COL16A1: variants seen among roughly 807,000 people sequenced by gnomAD.
COL16A1 encodes the protein collagen type XVI alpha 1 chain, also known as collagen alpha-1(XVI) chain.
COL16A1 carries 189 observed loss-of-function variants against 266.3 expected under a neutral mutation model. The ratio of observed to expected loss-of-function variants is 0.71; its 90% CI spans 0.63 to 0.80. The LOEUF (loss-of-function observed/expected upper bound fraction) is 0.80, where lower values mean the gene tolerates loss of function less well. Among genes scored for constraint, COL16A1 ranks in the 30% least tolerant of loss-of-function variants. COL16A1 has a pLI of 0.00. For synonymous variants in COL16A1, 740 were observed against 782.3 expected (o/e 0.95, Z 0.90); for missense variants, 1,928 against 2,122.4 (o/e 0.91, Z 1.80).
At chr1:31,691,388 C>T (rs1426893897) in intron 19 of COL16A1, 29 bp downstream of exon 19, 1 of 1,598,018 alleles carries the variant, frequency 6.3e-7, no homozygotes, top group Non-Finnish European at 8.5e-7. Context: ...CTGAGAAAAG[C>T]ACAGCAGGAG....
At chr1:31,690,253 G>T in intron 22 of COL16A1, 114 bp downstream of exon 22, 2 of 1,493,754 alleles carry the variant, frequency 1.3e-6, no homozygotes, top group Non-Finnish European at 1.8e-6. Context: ...ACGGGTGGGG[G>T]TCCCCTGAGG....
At chr1:31,687,942 C>T (rs1255218745) in intron 26 of COL16A1, among the ~76,000 whole-genome samples, 1 of 152,178 alleles carries the variant, frequency 6.6e-6, no homozygotes, top group Non-Finnish European at 1.5e-5. Flanking sequence ...TACGTTAACA[C>T]AGGCACTGAA....
At chr1:31,666,606 C>G (rs1642165735) in intron 52 of COL16A1, among the ~76,000 whole-genome samples, 1 of 152,150 alleles carries the variant, frequency 6.6e-6, no homozygotes, top group South Asian at 2.1e-4. Context: ...GCCCCCTTCC[C>G]CCCTTCCTAG....
chr1:31,684,003 C>G lies in COL16A1; in HGVS notation c.2284G>C (p.Gly762Arg), dbSNP rs200195209. Residue 762 changes from glycine (G) to arginine (R), a missense_variant and splice_region_variant, in exon 33 of 71, where the codon GGC (glycine) becomes CGC (arginine). Physicochemically the swap from Gly to Arg is moderately radical, Grantham distance 125. This residue lies in a region of COL16A1 where 1,552 missense variants were observed against 1,637.2 expected (regional missense o/e 0.95). Coordinates refer to ENST00000373672, the MANE Select transcript of COL16A1 (RefSeq NM_001856.4). ...TGAACTCCTGGTAGACCGGGTTGGC[C>G]CTAAAAGGCATAAGGTGGCCCATGG... The part of the protein sequence containing the change: ...PEGVGRPGKP[G>R]QPGLPGVQGP... The G allele has an allele frequency of 6.2e-7, 1 of 1,614,178 alleles. No homozygotes were observed. Among genetic ancestry groups the G allele is most frequent in the African/African-American group, 1.3e-5 (1 of 75,058 alleles).
chr1:31,671,481 G>T, intron 48 of COL16A1, 134 bp downstream of exon 48: 1 of 1,075,660 alleles, frequency 9.3e-7, no homozygotes, highest in Non-Finnish European at 1.4e-6. Flanking sequence ...CTCTGCGGAG[G>T]GATGGGGAGG....
In COL16A1 at chr1:31,685,968, CT is replaced by C. The variant is rs1468519494; in HGVS notation, c.1884+122del. The C allele has an allele frequency of 1.3e-6, 2 of 1,505,080 alleles. No individual in the cohort carries two copies. Among genetic ancestry groups the C allele is most frequent in the Non-Finnish European group, 1.8e-6 (2 of 1,109,170 alleles). The allele number at this position is 1,505,080 out of a possible 1,614,324, so 93.2% of individuals were successfully genotyped here. On this transcript the variant is annotated intron_variant, in intron 28 of 70. Transcript: ENST00000373672. The surrounding 1 kb of genome is among the most constrained non-coding windows in gnomAD (Gnocchi z 4.0). ...AGTCATCAGGGGTCTCCATGCCTTG[CT>C]AAGGAGTCAGACTCTGCCCGACAGA...
In COL16A1 at chr1:31,685,727, T is replaced by C. The variant is rs1349026088; in HGVS notation, c.1928A>G (p.Asp643Gly). 3 of 1,613,852 alleles carry C rather than the reference T, an allele frequency of 1.9e-6. No individual in the cohort carries two copies. The South Asian group carries it at 3.3e-5, about 18-fold the overall frequency. ...CAAGGCCACCACACGGACATCCCCA[T>C]CCTGAAGGTTGGACAGGGCTGGGCA... is the stretch of plus-strand genomic sequence containing the variant. Reference protein sequence around the residue: ...EPCPALSNLQDGDVRVVALPG... With the variant: ...EPCPALSNLQGGDVRVVALPG... Residue 643 changes from aspartate (D) to glycine (G), a missense_variant, in exon 29 of 71, where the codon GAT (aspartate) becomes GGT (glycine). By Grantham distance (94) the Asp-to-Gly change is moderately conservative. Coordinates refer to ENST00000373672, the MANE Select transcript of COL16A1 (RefSeq NM_001856.4). This position sits in a 1 kb window ranked among gnomAD's most constrained non-coding sequence, Gnocchi z 4.0.
Position 31,689,861 on chromosome 1 carries a change from G to A in COL16A1, c.1510-10C>T, listed in dbSNP as rs1213441108. On this transcript the variant is annotated splice_polypyrimidine_tract_variant and intron_variant, in intron 22 of 70. Coordinates refer to ENST00000373672, the MANE Select transcript of COL16A1 (RefSeq NM_001856.4). Reference sequence around the variant, plus strand: ...CTTCACAGGGGTCACCCTAGCAGAAGGGAGAGGCAGTATGTGGACAGGGTG... The same window carrying A: ...CTTCACAGGGGTCACCCTAGCAGAAAGGAGAGGCAGTATGTGGACAGGGTG... 1 of 1,612,636 alleles carries A rather than the reference G, an allele frequency of 6.2e-7. No homozygotes were observed. The highest frequency in any genetic ancestry group is 1.3e-5 in the African/African-American group (1 of 74,896).
At chr1:31,662,173 T>A (rs1377030599) in intron 58 of COL16A1, among the ~76,000 whole-genome samples, 161 bp downstream of exon 58, 3 of 152,132 alleles carry the variant, frequency 2.0e-5, no homozygotes, top group African/African-American at 7.2e-5. Context: ...TGTGGTGCCA[T>A]CGGGGAGCTG....
Position 31,684,173 on chromosome 1 carries a change from C to T in COL16A1, c.2219G>A (p.Arg740Gln), listed in dbSNP as rs369029210. 199 of 1,543,248 alleles carry T rather than the reference C, an allele frequency of 1.3e-4. 1 individual carries two copies. The highest frequency in any genetic ancestry group is 7.5e-4 in the Admixed American group (38 of 50,478). ...LQGTVTDMAG[R>Q]PGQPGPKGEQ... Reference sequence around the variant, plus strand: ...TCCTTTGGGGCCGGGCTGCCCAGGCCGTCCTGCCATGTCTGTCACTGTCCC... The same window carrying T: ...TCCTTTGGGGCCGGGCTGCCCAGGCTGTCCTGCCATGTCTGTCACTGTCCC... The change falls in exon 32 of 71, where the codon CGG becomes CAG. Residue 740 changes from arginine (R) to glutamine (Q), a missense_variant. Physicochemically the swap from Arg to Gln is conservative, Grantham distance 43 (BLOSUM62 1). Transcript: ENST00000373672.
intron 62 of COL16A1, among the ~76,000 whole-genome samples, chr1:31,660,359 A>G (rs763712829): frequency 4.6e-5 from 7 of 152,154 alleles, no homozygotes; most frequent in Non-Finnish European, 5.9e-5. Flanking sequence ...CTCCACAATT[A>G]TTTGTTGACT....
At chr1:31,694,939 G>T (rs1057464215) in intron 11 of COL16A1, among the ~76,000 whole-genome samples, 1 of 152,196 alleles carries the variant, frequency 6.6e-6, no homozygotes, top group Admixed American at 6.5e-5. Context: ...CCACCATCCC[G>T]TGCCCATGCC....
At chr1:31,686,433 G>T in intron 26 of COL16A1, 154 bp from the exon 27 acceptor site, 1 of 1,081,802 alleles carries the variant, frequency 9.2e-7, no homozygotes. Flanking sequence ...GGTCCCCAAG[G>T]GAGTCTGTAA....
intron 42 of COL16A1, among the ~76,000 whole-genome samples, chr1:31,678,195 G>T (rs1037249209): frequency 6.6e-6 from 1 of 152,144 alleles, no homozygotes; most frequent in African/African-American, 2.4e-5. Context: ...CCAGGGTGGC[G>T]GGGGTGGGGA....
Position 31,697,967 on chromosome 1 carries a change from G to A in COL16A1, c.596C>T (p.Pro199Leu). The change falls in exon 6 of 71, where the codon CCC becomes CTC. Residue 199 changes from proline to leucine, a missense_variant. This residue lies in a region of COL16A1 where 1,552 missense variants were observed against 1,637.2 expected (regional missense o/e 0.95). Transcript: ENST00000373672. The surrounding 1 kb of genome is among the most constrained non-coding windows in gnomAD (Gnocchi z 4.2). ...ASSQPLGPRR[P>L]MRPVGHVFLG... The stretch of plus-strand genomic sequence containing the variant: ...AAATACATGGCCCACAGGCCTCATG[G>A]GTCGTCGGGGCCCCAGAGGCTGGGA... 1.2e-6 allele frequency: 2 copies of A among 1,613,406 alleles called. No homozygotes were observed. Among genetic ancestry groups the A allele is most frequent in the Non-Finnish European group, 1.7e-6 (2 of 1,180,030 alleles).
rs1439149495 is a variant in COL16A1, at chr1:31,697,245, C to G, written c.713G>C (p.Gly238Ala). Residue 238 changes from glycine to alanine, a missense_variant, in exon 7 of 71, where the codon GGC becomes GCC. Physicochemically the swap from Gly to Ala is moderately conservative, Grantham distance 60. Transcript: ENST00000373672. The surrounding 1 kb of genome is among the most constrained non-coding windows in gnomAD (Gnocchi z 4.2). ...CCCTGCTGGTAAAATCTCACAGCAGCCCTCCTCCAGCACGAGCTCCGGGTC... is the reference window on the plus strand; with the variant it reads ...CCCTGCTGGTAAAATCTCACAGCAGGCCTCCTCCAGCACGAGCTCCGGGTC... ...YCDPELVLEE[G>A]CCEILPAGCP... The G allele has an allele frequency of 6.2e-7, 1 of 1,613,162 alleles. No individual in the cohort carries two copies. The highest frequency in any genetic ancestry group is 1.7e-5 in the Admixed American group (1 of 59,942).
chr1:31,700,914 C>G (rs552605484), intron 2 of COL16A1, among the ~76,000 whole-genome samples: 1 of 152,272 alleles, frequency 6.6e-6, no homozygotes, highest in East Asian at 1.9e-4. Flanking sequence ...TTTCCAAAGC[C>G]CTGAAAGAAC....
intron 42 of COL16A1, among the ~76,000 whole-genome samples, chr1:31,678,446 GCCC>G (rs1421089787): frequency 6.6e-6 from 1 of 152,208 alleles, no homozygotes; most frequent in Non-Finnish European, 1.5e-5. Context: ...GCATGGGGAA[GCCC>G]CAGTCTAGCA....
rs1302546357 is a variant in COL16A1 at position 31,672,623 on chromosome 1, C to A, written c.2991G>T (p.Leu997=). ...LDNCAQCFLS[L]ERPRAEEARG... ...GGGCCTCCTCGGCTCTTGGGCGCTCCAGTGACAAAAAGCACTGCAAGGGAC... is the reference window on the plus strand; with the variant it reads ...GGGCCTCCTCGGCTCTTGGGCGCTCAAGTGACAAAAAGCACTGCAAGGGAC... Residue 997 remains leucine (L), a synonymous_variant, in exon 46 of 71, where the codon CTG becomes CTT. Coordinates refer to ENST00000373672, the MANE Select transcript of COL16A1 (RefSeq NM_001856.4). 1 of 1,604,442 alleles carries A rather than the reference C, an allele frequency of 6.2e-7. No homozygotes were observed. The highest frequency in any genetic ancestry group is 1.3e-5 in the African/African-American group (1 of 74,660).
Sources: allele counts gnomAD v4.1 joint callset (sites outside exome capture counted in the v4.1 genomes callset), GRCh38; gene constraint gnomAD v4.1.1; regional missense constraint gnomAD v4.1.1; non-coding constraint Gnocchi (gnomAD v3.1); transcripts MANE v1.5; gene names NCBI Gene and HGNC (gene_info 2026-07-23, HGNC 2026-07-21).